RABEP1: variants seen among roughly 807,000 people sequenced by gnomAD.
The protein encoded by RABEP1 is rab GTPase-binding effector protein 1.
In RABEP1, 51 loss-of-function variants were observed where a neutral mutation model predicts 123.4. That is an observed-to-expected ratio of 0.41 (90% CI 0.33 to 0.52). The LOEUF is 0.52. Among genes scored for constraint, RABEP1 ranks in the 20% least tolerant of loss-of-function variants. RABEP1 has a pLI of 0.16. For synonymous variants in RABEP1, 347 were observed against 355.2 expected (o/e 0.98, Z 0.26); for missense variants, 888 against 996.3 (o/e 0.89, Z 1.46).
intron 13 of RABEP1, among the ~76,000 whole-genome samples, chr17:5,373,697 CACACACA>C (rs745770169): frequency 1.4e-5 from 1 of 73,020 alleles, no homozygotes; most frequent in Non-Finnish European, 2.3e-5. Flanking sequence ...CAGCTAAACA[CACACACA>C]CACACACACA....
chr17:5,381,242 TATAG>T (rs752894117), intron 16 of RABEP1, 143 bp from the exon 17 acceptor site: 74 of 1,117,512 alleles, frequency 6.6e-5, no homozygotes, highest in Non-Finnish European at 8.7e-5. Flanking sequence ...ACGCTTGCCC[TATAG>T]ATAAAGAGAT....
intron 11 of RABEP1, among the ~76,000 whole-genome samples, chr17:5,367,632 A>G (rs1265070003): frequency 6.6e-6 from 1 of 151,082 alleles, no homozygotes; most frequent in Non-Finnish European, 1.5e-5. Context: ...TGGTGAAAAG[A>G]TCCACCTTTC....
At chr17:5,350,824 G>A (rs561372574) in intron 7 of RABEP1, among the ~76,000 whole-genome samples, 195 bp downstream of exon 7, 1 of 152,078 alleles carries the variant, frequency 6.6e-6, no homozygotes, top group South Asian at 2.1e-4. Flanking sequence ...CCTCCTCTCG[G>A]GGGTGGGGAA....
At chr17:5,319,353 A>C (rs769418414) in intron 2 of RABEP1, among the ~76,000 whole-genome samples, 37 of 112,964 alleles carry the variant, frequency 3.3e-4, no homozygotes, top group East Asian at 1.7e-3. Context: ...AAAAAAACAA[A>C]AAAAAAAAAC....
chr17:5,312,301 A>G (rs1003738425), intron 2 of RABEP1, among the ~76,000 whole-genome samples: 6 of 152,096 alleles, frequency 3.9e-5, no homozygotes, highest in African/African-American at 1.4e-4. Flanking sequence ...GGTGTGTGCC[A>G]CCACACCTGG....
At chr17:5,358,222 C>G (rs935684793) in intron 8 of RABEP1, among the ~76,000 whole-genome samples, 1 of 152,164 alleles carries the variant, frequency 6.6e-6, no homozygotes, top group South Asian at 2.1e-4. Flanking sequence ...GCGTGATTAA[C>G]ACACTGATAG....
chr17:5,329,019 C>CTTTT lies in RABEP1; in HGVS notation c.164-2913_164-2910dup, dbSNP rs760060600. On this transcript the variant is annotated intron_variant, in intron 2 of 17. Transcript: ENST00000537505. The stretch of plus-strand genomic sequence containing the variant: ...TAATTTAAACAAATATTCAGAAAGA[C>CTTTT]TTTTTTTTTTTTTTTTTTTTGTCAA... Among the ~76,000 whole-genome samples the CTTTT allele has an allele frequency of 1.9e-3, 210 of 110,646 alleles. 5 individuals carry two copies. The highest frequency in any genetic ancestry group is 4.1e-3 in the African/African-American group (119 of 28,838). 72.6% of individuals were successfully genotyped at this position (110,646 alleles called of 152,430 possible). A position where few individuals can be genotyped will look rare whatever the true frequency, so the allele number is the denominator to read the frequency against.
chr17:5,323,839 A>AATATATATATATATATATCTAGGAATAT (rs369734347), intron 2 of RABEP1, among the ~76,000 whole-genome samples: 2 of 70,266 alleles, frequency 2.8e-5, no homozygotes, highest in African/African-American at 6.8e-5. Flanking sequence ...TATATCTAGG[A>AATATATATATATATATATCTAGGAATAT]ATATATATAT....
Position 5,381,247 on chromosome 17 carries a change from A to G in RABEP1, c.2371-142A>G, listed in dbSNP as rs1911424169. On this transcript the variant is annotated intron_variant, in intron 16 of 17. Coordinates refer to ENST00000537505, the MANE Select transcript of RABEP1 (RefSeq NM_004703.6). ...GATGGCCTGCACGCTTGCCCTATAG[A>G]TAAAGAGATTGGTCGTGTATAGGAG... 5.2e-6 allele frequency: 6 copies of G among 1,146,776 alleles called. No homozygotes were observed. In the South Asian group the frequency reaches 7.6e-5, roughly 15 times the overall value. 71.0% of individuals were successfully genotyped at this position (1,146,776 alleles called of 1,614,324 possible). A position where few individuals can be genotyped will look rare whatever the true frequency, so the allele number is the denominator to read the frequency against.
chr17:5,323,757 GGAATATATA>G (rs1905648068), intron 2 of RABEP1, among the ~76,000 whole-genome samples: 2 of 84,408 alleles, frequency 2.4e-5, no homozygotes, highest in Admixed American at 2.9e-4. Context: ...TATATATCTA[GGAATATATA>G]TATATATCTA....
At chr17:5,364,694 C>G (rs1026867115) in intron 10 of RABEP1, among the ~76,000 whole-genome samples, 2 of 139,200 alleles carry the variant, frequency 1.4e-5, no homozygotes, top group Non-Finnish European at 3.0e-5. Flanking sequence ...GATTGCAGAG[C>G]GAGAGACTCT....
chr17:5,355,283 T>C (rs1393450186), intron 8 of RABEP1, among the ~76,000 whole-genome samples: 1 of 152,216 alleles, frequency 6.6e-6, no homozygotes, highest in East Asian at 1.9e-4. Context: ...TATTCCCACT[T>C]GGTCTGTTGG....
At chr17:5,337,961 G>A (rs1567531241) in intron 4 of RABEP1, 58 bp from the exon 5 acceptor site, 1 of 1,539,624 alleles carries the variant, frequency 6.5e-7, no homozygotes, top group African/African-American at 1.4e-5. Flanking sequence ...AAGGGTTAGA[G>A]TTTCTTAGAA....
At chr17:5,343,281 C>T (rs190906840) in intron 5 of RABEP1, among the ~76,000 whole-genome samples, 10 of 151,506 alleles carry the variant, frequency 6.6e-5, no homozygotes, top group South Asian at 4.2e-4. Context: ...TGGCCATGTG[C>T]GGTGGCTCAT....
At chr17:5,320,421 C>CAAAAAAAAAAAAAAAAAAAAA (rs60202531) in intron 2 of RABEP1, among the ~76,000 whole-genome samples, 1 of 84,652 alleles carries the variant, frequency 1.2e-5, no homozygotes, top group Non-Finnish European at 2.3e-5. Flanking sequence ...GCTAACACAC[C>CAAAAAAAAAAAAAAAAAAAAA]AAAAAAAAAA....
At chr17:5,334,804 G>A (rs906174091) in intron 3 of RABEP1, among the ~76,000 whole-genome samples, 1 of 152,136 alleles carries the variant, frequency 6.6e-6, no homozygotes, top group Non-Finnish European at 1.5e-5. Context: ...AGTGGGATTG[G>A]GGCGACATGT....
chr17:5,360,460 G>T (rs1909411243), intron 8 of RABEP1, among the ~76,000 whole-genome samples: 1 of 152,250 alleles, frequency 6.6e-6, no homozygotes, highest in Non-Finnish European at 1.5e-5. Context: ...TACTTGGGAG[G>T]CTGAGGCAGG....
rs774165200 is a variant in RABEP1 at position 5,365,194 on chromosome 17, C to G, written c.1741C>G (p.Leu581Val). 3.1e-6 allele frequency: 5 copies of G among 1,611,524 alleles called. No homozygotes were observed. The African/African-American group carries it at 6.7e-5, about 22-fold the overall frequency. The change falls in exon 11 of 18, where the codon CTG becomes GTG. Residue 581 changes from leucine (L) to valine (V), a missense_variant. Physicochemically the swap from Leu to Val is conservative, Grantham distance 32. Coordinates refer to ENST00000537505, the MANE Select transcript of RABEP1 (RefSeq NM_004703.6). ...GAAGACAATGAAAGATAAGCAGGAG[C>G]TGGAAGACTTCATAAAGCAAAGCAG... ...LEKTMKDKQE[L>V]EDFIKQSSED...
At chr17:5,361,765 CTGGAGTCA>C in intron 9 of RABEP1, 90 bp downstream of exon 9, 1 of 1,137,990 alleles carries the variant, frequency 8.8e-7, no homozygotes, top group Non-Finnish European at 1.2e-6. Context: ...CAGACGGTTC[CTGGAGTCA>C]GTGCAGGCAC....
Sources: gnomAD v4.1 joint callset for allele counts (sites outside exome capture counted in the v4.1 genomes callset) on GRCh38, gnomAD v4.1.1 for gene constraint, MANE v1.5 for transcripts, NCBI Gene and HGNC (gene_info 2026-07-23, HGNC 2026-07-21) for gene names.